Variants in CSMD1 observed in about 807,000 individuals in gnomAD.
CSMD1 encodes CUB and sushi domain-containing protein 1.
A neutral mutation model predicts 417.5 loss-of-function variants in CSMD1; 213 were observed. That is an observed-to-expected ratio of 0.51 (90% CI 0.46 to 0.57). The LOEUF (loss-of-function observed/expected upper bound fraction) is 0.57, where lower values mean the gene tolerates loss of function less well. Ranked by LOEUF, CSMD1 falls within the 20% of genes least tolerant of loss-of-function variation. CSMD1 has a pLI of 0.00. For synonymous variants in CSMD1, 2,862 were observed against 1,736.8 expected, an observed-to-expected ratio of 1.65 and a Z score of -16.11; for missense variants, 6,923 against 4,529.7, an observed-to-expected ratio of 1.53 and a Z score of -15.17.
chr8:3,788,617 T>C (rs1799569647), intron 5 of CSMD1, among the ~76,000 whole-genome samples: 1 of 152,230 alleles, frequency 6.6e-6, no homozygotes, highest in African/African-American at 2.4e-5. Context: ...AAAGATTTAG[T>C]TCATCTACAT....
At position 3,952,471 on chromosome 8, in the gene CSMD1, C is replaced by G. The variant is rs553733351; in HGVS notation, c.818+45432G>C. Among the ~76,000 whole-genome samples, 25 of 152,246 alleles carry G rather than the reference C, an allele frequency of 1.6e-4. No homozygotes were observed. The East Asian group carries it at 4.8e-3, about 29-fold the overall frequency. Reference sequence around the variant, plus strand: ...TAATTGATTCACATACACTTTAACTCAGTTTTACTTTCTAGTACTAACAGA... The same window carrying G: ...TAATTGATTCACATACACTTTAACTGAGTTTTACTTTCTAGTACTAACAGA... On this transcript the variant is annotated intron_variant, in intron 5 of 69. Coordinates refer to ENST00000635120, the MANE Select transcript of CSMD1 (RefSeq NM_033225.6).
intron 12 of CSMD1, among the ~76,000 whole-genome samples, chr8:3,436,428 G>C (rs541368702): frequency 2.0e-5 from 3 of 152,132 alleles, no homozygotes. Flanking sequence ...CTTTTGCCCA[G>C]TTGCTACTTA....
At chr8:4,931,662 C>A (rs1401451850) in intron 1 of CSMD1, among the ~76,000 whole-genome samples, 1 of 152,102 alleles carries the variant, frequency 6.6e-6, no homozygotes, top group Non-Finnish European at 1.5e-5. Context: ...GGATTAGATA[C>A]CTATTTGTGT....
chr8:3,774,769 A>G (rs1798808914), intron 5 of CSMD1, among the ~76,000 whole-genome samples: 1 of 152,190 alleles, frequency 6.6e-6, no homozygotes, highest in South Asian at 2.1e-4. Flanking sequence ...AATGAGTACA[A>G]TATGGATGAC....
chr8:3,354,673 G>A (rs1452944595), intron 21 of CSMD1, among the ~76,000 whole-genome samples: 1 of 151,492 alleles, frequency 6.6e-6, no homozygotes, highest in African/African-American at 2.4e-5. Context: ...TGCCGTTATT[G>A]GATTAGCTTT....
At chr8:3,271,101 C>G (rs766944805) in intron 26 of CSMD1, among the ~76,000 whole-genome samples, 1 of 133,904 alleles carries the variant, frequency 7.5e-6, no homozygotes, top group African/African-American at 2.7e-5. Context: ...ACAACAGTCC[C>G]CAGAGTGTGA....
chr8:3,796,102 A>G (rs1800088725), intron 5 of CSMD1, among the ~76,000 whole-genome samples: 1 of 18,774 alleles, frequency 5.3e-5, no homozygotes, highest in East Asian at 2.2e-3. Flanking sequence ...TCATAGATAT[A>G]GATATATATC....
At chr8:2,994,842 T>A (rs904183751) in intron 54 of CSMD1, among the ~76,000 whole-genome samples, 2 of 152,196 alleles carry the variant, frequency 1.3e-5, no homozygotes, top group African/African-American at 4.8e-5. Context: ...TTAAAACCAA[T>A]ATCTCTTGAA....
intron 5 of CSMD1, among the ~76,000 whole-genome samples, chr8:3,961,089 G>T (rs865926971): frequency 6.6e-6 from 1 of 151,994 alleles, no homozygotes; most frequent in African/African-American, 2.4e-5. Flanking sequence ...AAACTCAAAG[G>T]CTACAAAGTC....
At chr8:4,229,308 A>G (rs1457257221) in intron 3 of CSMD1, among the ~76,000 whole-genome samples, 3 of 152,264 alleles carry the variant, frequency 2.0e-5, no homozygotes, top group Admixed American at 6.5e-5. Context: ...AGCCACCATT[A>G]TCTATCACCT....
chr8:4,797,181 G>T (rs368628930), intron 1 of CSMD1, among the ~76,000 whole-genome samples: 3 of 152,304 alleles, frequency 2.0e-5, no homozygotes, highest in East Asian at 3.9e-4. Flanking sequence ...CTCCAGGCAG[G>T]CAGCTGACTG....
chr8:3,290,968 AG>A (rs769110787), intron 25 of CSMD1, among the ~76,000 whole-genome samples: 8 of 152,176 alleles, frequency 5.3e-5, no homozygotes, highest in Non-Finnish European at 1.0e-4. Flanking sequence ...GGTTTGTCAT[AG>A]ATAGCTCTTA....
chr8:4,182,676 T>G (rs1798444526), intron 3 of CSMD1, among the ~76,000 whole-genome samples: 1 of 152,116 alleles, frequency 6.6e-6, no homozygotes, highest in Admixed American at 6.6e-5. Flanking sequence ...TCACAAATTG[T>G]GAATGCCCGA....
At chr8:3,517,570 G>T (rs1044202176) in intron 10 of CSMD1, among the ~76,000 whole-genome samples, 1 of 152,132 alleles carries the variant, frequency 6.6e-6, no homozygotes, top group African/African-American at 2.4e-5. Flanking sequence ...ATTCCACACT[G>T]CTGTCCTCTG....
chr8:3,875,659 G>A (rs752194425), intron 5 of CSMD1, among the ~76,000 whole-genome samples: 2 of 152,182 alleles, frequency 1.3e-5, no homozygotes, highest in Non-Finnish European at 1.5e-5. Flanking sequence ...GAAGTGGGTG[G>A]TGAATTCCAG....
chr8:4,844,150 C>A (rs573202692), intron 1 of CSMD1, among the ~76,000 whole-genome samples: 1 of 151,952 alleles, frequency 6.6e-6, no homozygotes. Context: ...ATTTTTTCAA[C>A]CAAATATGAG....
At chr8:4,337,021 T>C (rs1232324619) in intron 3 of CSMD1, among the ~76,000 whole-genome samples, 2 of 152,096 alleles carry the variant, frequency 1.3e-5, no homozygotes, top group Non-Finnish European at 2.9e-5. Context: ...TTACTAAATC[T>C]GCAATTATAA....
At chr8:4,419,553 C>T (rs1266448203) in intron 3 of CSMD1, among the ~76,000 whole-genome samples, 1 of 152,158 alleles carries the variant, frequency 6.6e-6, no homozygotes, top group African/African-American at 2.4e-5. Flanking sequence ...AACAAAAGTT[C>T]ATTTAATGAA....
intron 3 of CSMD1, among the ~76,000 whole-genome samples, chr8:4,406,678 A>T (rs1258652462): frequency 2.0e-5 from 3 of 152,166 alleles, no homozygotes; most frequent in African/African-American, 7.2e-5. Flanking sequence ...TGCCTTACAC[A>T]AAAACTACAC....
Sources: allele counts gnomAD v4.1 joint callset (sites outside exome capture counted in the v4.1 genomes callset), GRCh38; gene constraint gnomAD v4.1.1; transcripts MANE v1.5; gene names NCBI Gene and HGNC (gene_info 2026-07-23, HGNC 2026-07-21).